Variants in GASK1A observed in about 807,000 individuals in gnomAD.
GASK1A encodes the protein golgi associated kinase 1A, also known as Golgi-associated kinase 1A.
In GASK1A, 40 loss-of-function variants were observed where a neutral mutation model predicts 41.2. The ratio of observed to expected loss-of-function variants is 0.97; its 90% CI spans 0.75 to 1.27. The LOEUF is 1.27. Among genes scored for constraint, GASK1A ranks in the 50% most tolerant of loss-of-function variants. GASK1A has a pLI of 0.00. For synonymous variants in GASK1A, 316 were observed against 307.1 expected (o/e 1.03, Z -0.30); for missense variants, 678 against 745.1 (o/e 0.91, Z 1.05).
At chr3:42,985,393 G>A (rs2089303062) in intron 1 of GASK1A, among the ~76,000 whole-genome samples, 1 of 152,164 alleles carries the variant, frequency 6.6e-6, no homozygotes, top group African/African-American at 2.4e-5. Context: ...TGCTCCCTCT[G>A]TCTCCCTGCC....
At chr3:42,994,708 G>A (rs1236663230) in intron 1 of GASK1A, among the ~76,000 whole-genome samples, 4 of 152,108 alleles carry the variant, frequency 2.6e-5, no homozygotes, top group Non-Finnish European at 5.9e-5. Context: ...ACTGAGACTT[G>A]TCTTGTCTCA....
Position 43,032,291 on chromosome 3 carries a change from C to T in GASK1A, c.28C>T (p.Arg10Cys), listed in dbSNP as rs1353342217. 1.2e-5 allele frequency: 19 copies of T among 1,528,468 alleles called. 1 individual carries two copies. Among genetic ancestry groups the T allele is most frequent in the African/African-American group, 9.7e-5 (7 of 72,526 alleles). The allele number at this position is 1,528,468 out of a possible 1,614,324, so 94.7% of individuals were successfully genotyped here. A position where few individuals can be genotyped will look rare whatever the true frequency, so the allele number is the denominator to read the frequency against. ...GGCGTCTTGGCTCCGGAGAAAGCTG[C>T]GTGGCAAGAGGCGGCCAGTGATAGC... is the stretch of plus-strand genomic sequence containing the variant. MASWLRRKLRGKRRPVIAFC... is the reference protein window; with the variant it reads MASWLRRKLCGKRRPVIAFC... The change falls in exon 2 of 5, where the codon CGT becomes TGT. Residue 10 changes from arginine (R) to cysteine (C), a missense_variant. By Grantham distance (180) the Arg-to-Cys change is radical (BLOSUM62 -3). Coordinates refer to ENST00000430121, the MANE Select transcript of GASK1A (RefSeq NM_001129908.3).
Position 43,053,527 on chromosome 3 carries a change from G to A in GASK1A, c.1297G>A (p.Asp433Asn), listed in dbSNP as rs765996836. The A allele has an allele frequency of 2.1e-5, 33 of 1,547,550 alleles. No individual in the cohort carries two copies. The Admixed American group carries it at 3.3e-4, about 16-fold the overall frequency. ...ALFDFLLQVHDRLDRYCCGFE... is the reference protein window; with the variant it reads ...ALFDFLLQVHNRLDRYCCGFE... Reference sequence around the variant, plus strand: ...AGGCTGGGTGTCTCCACAGGTCCACGACCGCTTGGATCGCTACTGCTGTGG... The same window carrying A: ...AGGCTGGGTGTCTCCACAGGTCCACAACCGCTTGGATCGCTACTGCTGTGG... Residue 433 changes from aspartate to asparagine, a missense_variant, in exon 3 of 5, where the codon GAC (aspartate) becomes AAC (asparagine). Coordinates refer to ENST00000430121, the MANE Select transcript of GASK1A (RefSeq NM_001129908.3).
At chr3:43,019,928 C>T (rs1272774996) in intron 1 of GASK1A, among the ~76,000 whole-genome samples, 1 of 152,212 alleles carries the variant, frequency 6.6e-6, no homozygotes, top group Admixed American at 6.5e-5. Flanking sequence ...CCCTGCCCAG[C>T]ATGTTATCCC....
chr3:43,005,972 C>T (rs369186974), intron 1 of GASK1A, among the ~76,000 whole-genome samples: 3 of 152,176 alleles, frequency 2.0e-5, no homozygotes, highest in East Asian at 1.9e-4. Flanking sequence ...GGGCTTGGAA[C>T]GTATCTTCCA....
Position 43,032,438 on chromosome 3 carries a change from C to T in GASK1A, c.175C>T (p.His59Tyr). The change falls in exon 2 of 5, where the codon CAT becomes TAT. Residue 59 changes from histidine (H) to tyrosine (Y), a missense_variant. Physicochemically the swap from His to Tyr is moderately conservative, Grantham distance 83 (BLOSUM62 2). Transcript: ENST00000430121. ...PQGVTGAPAT[H>Y]IRQALSSSRR... is the part of the protein sequence containing the mutation. ...GGGGGTAACTGGCGCCCCTGCAACC[C>T]ATATCCGGCAGGCTTTGAGCTCCAG... The T allele has an allele frequency of 6.4e-7, 1 of 1,551,162 alleles. No homozygotes were observed. Among genetic ancestry groups the T allele is most frequent in the Middle Eastern group, 1.7e-4 (1 of 5,990 alleles).
intron 1 of GASK1A, among the ~76,000 whole-genome samples, chr3:42,982,462 A>G (rs1001299299): frequency 6.6e-6 from 1 of 152,230 alleles, no homozygotes; most frequent in African/African-American, 2.4e-5. Context: ...ATTTCACCAC[A>G]CATGGAATTT....
At chr3:42,995,298 A>T (rs2089363496) in intron 1 of GASK1A, among the ~76,000 whole-genome samples, 1 of 152,206 alleles carries the variant, frequency 6.6e-6, no homozygotes, top group Non-Finnish European at 1.5e-5. Context: ...TTTGGGAGAC[A>T]ATAGGGAGTA....
intron 1 of GASK1A, among the ~76,000 whole-genome samples, chr3:42,980,954 G>A (rs2089280171): frequency 6.6e-6 from 1 of 152,204 alleles, no homozygotes; most frequent in African/African-American, 2.4e-5. Context: ...AGGGGCATTA[G>A]CATGCTGGAG....
At chr3:43,035,907 C>T (rs1361634788) in intron 2 of GASK1A, among the ~76,000 whole-genome samples, 4 of 152,338 alleles carry the variant, frequency 2.6e-5, no homozygotes, top group African/African-American at 9.6e-5. Context: ...GGCTGAGAAG[C>T]AGCCTGGATG....
chr3:43,032,244 T>G (rs182942993), intron 1 of GASK1A, 23 bp from the exon 2 acceptor site: 3 of 1,486,234 alleles, frequency 2.0e-6, no homozygotes, highest in Admixed American at 4.5e-5. Flanking sequence ...ATCTCAAGCT[T>G]TTCTTTCTAC....
intron 1 of GASK1A, among the ~76,000 whole-genome samples, chr3:43,003,450 G>T (rs1403506161): frequency 6.8e-6 from 1 of 147,952 alleles, no homozygotes; most frequent in Non-Finnish European, 1.5e-5. Flanking sequence ...AGCCAAGATC[G>T]CACCACTGCA....
chr3:43,022,146 T>G (rs916776745), intron 1 of GASK1A, among the ~76,000 whole-genome samples: 7 of 152,240 alleles, frequency 4.6e-5, no homozygotes, highest in African/African-American at 1.7e-4. Context: ...AGATTCTGCA[T>G]CATCCCCCTT....
chr3:43,041,599 T>G (rs1389009032), intron 2 of GASK1A, among the ~76,000 whole-genome samples: 3 of 152,244 alleles, frequency 2.0e-5, no homozygotes, highest in African/African-American at 7.2e-5. Flanking sequence ...AGAAGGCTAT[T>G]TCTTCTGCAT....
intron 1 of GASK1A, among the ~76,000 whole-genome samples, chr3:43,012,070 T>C (rs1191031981): frequency 1.4e-5 from 2 of 142,678 alleles, no homozygotes; most frequent in Non-Finnish European, 3.1e-5. Context: ...TGTTGAGCCA[T>C]AGGCAGGGGC....
At chr3:43,012,287 G>A (rs1198943364) in intron 1 of GASK1A, among the ~76,000 whole-genome samples, 4 of 150,470 alleles carry the variant, frequency 2.7e-5, no homozygotes, top group Non-Finnish European at 5.9e-5. Flanking sequence ...GGAAGGGGCT[G>A]TGTGAAGCCA....
rs1377163083 is a variant in GASK1A, at chr3:43,055,437, G to A, written c.1419G>A (p.Arg473=). ...AELRLVHILV[R]SSDPSHLVYI... is the part of the protein sequence containing the mutation. ...TGTCCACCCTCTTCCCTGAGGTCCG[G>A]AGCAGCGATCCATCTCACCTGGTCT... Residue 473 remains arginine (R), a synonymous_variant, in exon 4 of 5, where the codon CGG becomes CGA. Transcript: ENST00000430121. 1 of 1,551,288 alleles carries A rather than the reference G, an allele frequency of 6.4e-7. No individual in the cohort carries two copies. Among genetic ancestry groups the A allele is most frequent in the Non-Finnish European group, 8.7e-7 (1 of 1,146,658 alleles).
In GASK1A at chr3:43,041,481, G is replaced by A. The variant is rs61106184; in HGVS notation, c.1290+7928G>A. Among the ~76,000 whole-genome samples, 122 of 152,288 alleles carry A rather than the reference G, an allele frequency of 8.0e-4. 4 individuals carry two copies. The East Asian group carries it at 0.019, about 24-fold the overall frequency. ...TGCATTTCTCTGATGGCCAGTGATG[G>A]TGAGCATTTTTTCATGTGTTTTTTG... On this transcript the variant is annotated intron_variant, in intron 2 of 4. Transcript: ENST00000430121.
At chr3:43,013,129 A>T (rs1051768993) in intron 1 of GASK1A, among the ~76,000 whole-genome samples, 6 of 144,434 alleles carry the variant, frequency 4.2e-5, no homozygotes, top group African/African-American at 1.6e-4. Context: ...AAGCCACTGA[A>T]AGGGGCAGTG....
Sources: allele counts gnomAD v4.1 joint callset (sites outside exome capture counted in the v4.1 genomes callset), GRCh38; gene constraint gnomAD v4.1.1; transcripts MANE v1.5; gene names NCBI Gene and HGNC (gene_info 2026-07-23, HGNC 2026-07-21).